The following PLEKHA5 variants were observed in gnomAD, a reference collection of about 807,000 sequenced individuals.
PLEKHA5 encodes pleckstrin homology domain containing A5, also known as pleckstrin homology domain-containing family A member 5.
PLEKHA5 carries 55 observed loss-of-function variants against 181.9 expected under a neutral mutation model. The ratio of observed to expected loss-of-function variants is 0.30; its 90% CI spans 0.24 to 0.38. PLEKHA5 has a LOEUF of 0.38. Among genes scored for constraint, PLEKHA5 ranks in the 10% least tolerant of loss-of-function variants. The pLI is 1.00. For synonymous variants in PLEKHA5, 535 were observed against 529.4 expected (o/e 1.01, Z -0.15); for missense variants, 1,432 against 1,549.5 (o/e 0.92, Z 1.27).
At chr12:19,253,508 T>G (rs897519252) in intron 3 of PLEKHA5, among the ~76,000 whole-genome samples, 5 of 152,082 alleles carry the variant, frequency 3.3e-5, no homozygotes, top group African/African-American at 1.2e-4. Flanking sequence ...GTAGGAAAGA[T>G]ATATTTAGGA....
chr12:19,337,734 T>G (rs779220997), intron 21 of PLEKHA5, among the ~76,000 whole-genome samples: 2 of 151,914 alleles, frequency 1.3e-5, no homozygotes, highest in Non-Finnish European at 2.9e-5. Flanking sequence ...AATGAAAAAT[T>G]AGTTAAGTTC....
chr12:19,190,747 T>C (rs1407666539), intron 3 of PLEKHA5, among the ~76,000 whole-genome samples: 1 of 152,180 alleles, frequency 6.6e-6, no homozygotes, highest in Non-Finnish European at 1.5e-5. Context: ...ATTAGGTGTG[T>C]TTTAAATGGG....
chr12:19,334,829 A>ATAT (rs1555165772), intron 20 of PLEKHA5, among the ~76,000 whole-genome samples: 21 of 18,584 alleles, frequency 1.1e-3, no homozygotes, highest in African/African-American at 2.4e-3. Context: ...AAAAAAAAAA[A>ATAT]ATATATATAT....
At chr12:19,317,092 C>G (rs917747940) in intron 16 of PLEKHA5, among the ~76,000 whole-genome samples, 3 of 152,022 alleles carry the variant, frequency 2.0e-5, no homozygotes. Context: ...CCAGGCTTGT[C>G]GAGGTGGCTT....
At chr12:19,242,515 A>G (rs1016979591) in intron 3 of PLEKHA5, among the ~76,000 whole-genome samples, 3 of 152,206 alleles carry the variant, frequency 2.0e-5, no homozygotes, top group Non-Finnish European at 4.4e-5. Flanking sequence ...TGCTAGAATT[A>G]CAGGCGTGAG....
rs559332003 is a variant in PLEKHA5, at chr12:19,329,976, A to G, written c.2449-6539A>G. Reference sequence around the variant, plus strand: ...GCAGTGGCGTGTGCCTGGAGTGCCAACTACTCAGGAGGCTGAGGCAGCAGG... The same window carrying G: ...GCAGTGGCGTGTGCCTGGAGTGCCAGCTACTCAGGAGGCTGAGGCAGCAGG... On this transcript the variant is annotated intron_variant, in intron 20 of 31. Coordinates refer to ENST00000429027, the MANE Select transcript of PLEKHA5 (RefSeq NM_001256470.2). Among the ~76,000 whole-genome samples, 90 of 152,122 alleles carry G rather than the reference A, an allele frequency of 5.9e-4. 2 individuals carry two copies. The South Asian group carries it at 0.012, about 20-fold the overall frequency.
chr12:19,306,322 G>T, intron 15 of PLEKHA5: 1 of 400,320 alleles, frequency 2.5e-6, no homozygotes, highest in Non-Finnish European at 4.9e-6. Flanking sequence ...TGGGGTTGGA[G>T]GCGAGGTGGG....
At chr12:19,183,216 A>G (rs1430558726) in intron 3 of PLEKHA5, among the ~76,000 whole-genome samples, 3 of 152,038 alleles carry the variant, frequency 2.0e-5, no homozygotes, top group South Asian at 2.1e-4. Context: ...ACATAGATAG[A>G]TAGATGAGTA....
At chr12:19,347,376 T>C (rs945372981) in intron 24 of PLEKHA5, among the ~76,000 whole-genome samples, 194 bp downstream of exon 24, 1 of 151,912 alleles carries the variant, frequency 6.6e-6, no homozygotes, top group African/African-American at 2.4e-5. Flanking sequence ...TCATTTTTAA[T>C]ATTTTTATAA....
chr12:19,240,622 A>G (rs1361866945), intron 3 of PLEKHA5, among the ~76,000 whole-genome samples: 2 of 149,118 alleles, frequency 1.3e-5, no homozygotes, highest in Non-Finnish European at 3.0e-5. Flanking sequence ...TAATATTATT[A>G]TTATTAATTA....
chr12:19,141,221 C>T (rs1425169284), intron 3 of PLEKHA5, among the ~76,000 whole-genome samples: 1 of 152,160 alleles, frequency 6.6e-6, no homozygotes, highest in African/African-American at 2.4e-5. Context: ...TTACGTGCAG[C>T]CCCAAATTAC....
At chr12:19,352,779 C>G (rs540374899) in intron 25 of PLEKHA5, among the ~76,000 whole-genome samples, 1 of 151,514 alleles carries the variant, frequency 6.6e-6, no homozygotes, top group African/African-American at 2.4e-5. Context: ...ACAATTTTTT[C>G]TTCTCTTTTT....
chr12:19,301,584 T>C (rs564799696), intron 15 of PLEKHA5, among the ~76,000 whole-genome samples: 1 of 152,302 alleles, frequency 6.6e-6, no homozygotes, highest in South Asian at 2.1e-4. Flanking sequence ...CTTCAAAGTT[T>C]GCTTTCAAAT....
Position 19,359,530 on chromosome 12 carries a change from T to A in PLEKHA5, c.3467T>A (p.Val1156Glu), listed in dbSNP as rs750935150. The A allele has an allele frequency of 1.2e-6, 2 of 1,613,802 alleles. No individual in the cohort carries two copies. The highest frequency in any genetic ancestry group is 2.7e-5 in the African/African-American group (2 of 74,886). ...CTAAAAGAAACCGAACCCCAAAATGTGGACTTCAGCAAAGAGGTAGCGAGA... is the reference window on the plus strand; with the variant it reads ...CTAAAAGAAACCGAACCCCAAAATGAGGACTTCAGCAAAGAGGTAGCGAGA... ...VQLKETEPQN[V>E]DFSKELKKTE... is the part of the protein sequence containing the mutation. Residue 1156 changes from valine (V) to glutamate (E), a missense_variant, in exon 28 of 32, where the codon GTG (valine) becomes GAG (glutamate). Val to Glu is a moderately radical substitution (Grantham distance 121). Around this residue, in one of 2 missense-constraint regions of PLEKHA5, gnomAD observed 1,143 missense variants for 1,168.4 expected, o/e 0.98. Transcript: ENST00000429027.
At chr12:19,348,255 G>T in intron 24 of PLEKHA5, 144 bp from the exon 25 acceptor site, 1 of 565,916 alleles carries the variant, frequency 1.8e-6, no homozygotes. Flanking sequence ...CCACGTAATT[G>T]TGACATAGGT....
intron 14 of PLEKHA5, among the ~76,000 whole-genome samples, chr12:19,291,262 C>G (rs969818477): frequency 6.6e-6 from 1 of 152,028 alleles, no homozygotes; most frequent in African/African-American, 2.4e-5. Context: ...AAAGAACGAA[C>G]ACATAACCGT....
At chr12:19,287,387 A>G (rs2077452542) in intron 12 of PLEKHA5, 86 bp from the exon 13 acceptor site, 1 of 784,816 alleles carries the variant, frequency 1.3e-6, no homozygotes, top group Non-Finnish European at 2.2e-6. Flanking sequence ...GTATTTCATA[A>G]TAGGAATTTA....
intron 3 of PLEKHA5, among the ~76,000 whole-genome samples, chr12:19,133,893 T>C (rs1026055900): frequency 6.6e-6 from 1 of 152,050 alleles, no homozygotes; most frequent in Non-Finnish European, 1.5e-5. Context: ...TGAGTTGATA[T>C]TGCCACGAAA....
At chr12:19,280,719 T>C (rs2075890242) in intron 11 of PLEKHA5, among the ~76,000 whole-genome samples, 3 of 151,714 alleles carry the variant, frequency 2.0e-5, no homozygotes, top group South Asian at 2.1e-4. Flanking sequence ...ATACTTGTAA[T>C]TTAATTTTTC....
Sources: allele counts gnomAD v4.1 joint callset (sites outside exome capture counted in the v4.1 genomes callset), GRCh38; gene constraint gnomAD v4.1.1; regional missense constraint gnomAD v4.1.1; transcripts MANE v1.5; gene names NCBI Gene and HGNC (gene_info 2026-07-23, HGNC 2026-07-21).